Variants in IL34 observed in about 807,000 individuals in gnomAD.
IL34 encodes the protein interleukin 34.
IL34 carries 17 observed loss-of-function variants against 25.3 expected under a neutral mutation model. That is an observed-to-expected ratio of 0.67 (90% CI 0.46 to 1.01). IL34 has a LOEUF of 1.01. IL34 is among the 50% of genes least tolerant of loss of function. The pLI is 0.00. For missense variants in IL34, 368 were observed against 312.9 expected (o/e 1.18, Z -1.33); for synonymous variants, 174 against 140.9 (o/e 1.23, Z -1.66).
At chr16:70,622,931 C>T (rs1003670877) in intron 1 of IL34, among the ~76,000 whole-genome samples, 2 of 151,996 alleles carry the variant, frequency 1.3e-5, no homozygotes, top group African/African-American at 4.8e-5. Context: ...ATTGTTTGGA[C>T]AGAAAGGCTA....
intron 1 of IL34, among the ~76,000 whole-genome samples, chr16:70,620,877 C>T (rs1321967480): frequency 1.3e-5 from 2 of 151,914 alleles, no homozygotes; most frequent in Non-Finnish European, 2.9e-5. Context: ...TTTGAGAACA[C>T]AGGCTAAGGG....
chr16:70,624,834 A>G (rs1056553812), intron 1 of IL34, among the ~76,000 whole-genome samples: 1 of 151,676 alleles, frequency 6.6e-6, no homozygotes, highest in Non-Finnish European at 1.5e-5. Context: ...CCTGGAGAGG[A>G]GGGGAGAGGT....
Position 70,660,305 on chromosome 16 carries a change from A to C in IL34, c.*118A>C. 1.1e-6 allele frequency: 1 copy of C among 949,792 alleles called. No individual in the cohort carries two copies. The highest frequency in any genetic ancestry group is 1.7e-5 in the African/African-American group (1 of 59,890). 58.8% of individuals were successfully genotyped at this position (949,792 alleles called of 1,614,324 possible). A position where few individuals can be genotyped will look rare whatever the true frequency, so the allele number is the denominator to read the frequency against. ...CCCCCCTTGGGAGAGGACCCCTGGG[A>C]AGGGTGTTTTTCCTTTGAGGGGGAT... On this transcript the variant is annotated 3_prime_UTR_variant, in exon 6 of 6. Transcript: ENST00000288098.
intron 1 of IL34, among the ~76,000 whole-genome samples, chr16:70,588,380 G>C (rs1050621354): frequency 2.6e-5 from 4 of 152,030 alleles, no homozygotes; most frequent in Non-Finnish European, 5.9e-5. Context: ...TGTAATCCCA[G>C]TTACTCGGGA....
chr16:70,623,158 C>T (rs1287815688), intron 1 of IL34, among the ~76,000 whole-genome samples: 1 of 151,986 alleles, frequency 6.6e-6, no homozygotes, highest in Admixed American at 6.6e-5. Flanking sequence ...GTCTGTGACG[C>T]CTTGCAGCAG....
At chr16:70,645,416 C>G (rs796213992), upstream of IL34, among the ~76,000 whole-genome samples, 38 of 152,232 alleles carry the variant, frequency 2.5e-4, 1 homozygote, top group African/African-American at 8.4e-4. Flanking sequence ...CACTCTGTAG[C>G]CATTTTCCCC....
At chr16:70,613,729 C>T (rs1326557231) in intron 1 of IL34, among the ~76,000 whole-genome samples, 1 of 152,012 alleles carries the variant, frequency 6.6e-6, no homozygotes, top group East Asian at 1.9e-4. Flanking sequence ...CAAAAATTAG[C>T]CAGGCATGGT....
chr16:70,631,942 AT>A (rs916023429), intron 1 of IL34, among the ~76,000 whole-genome samples: 2 of 151,812 alleles, frequency 1.3e-5, no homozygotes, highest in African/African-American at 2.4e-5. Context: ...AAAAATTATA[AT>A]ACAAAAAATT....
intron 1 of IL34, among the ~76,000 whole-genome samples, chr16:70,585,186 A>C (rs569064649): frequency 4.6e-5 from 7 of 152,294 alleles, no homozygotes; most frequent in African/African-American, 1.7e-4. Context: ...TAAGTGCCTC[A>C]TGTAAGTGGA....
intron 1 of IL34, among the ~76,000 whole-genome samples, chr16:70,583,194 ACT>A: frequency 6.6e-6 from 1 of 151,538 alleles, no homozygotes; most frequent in East Asian, 2.0e-4. Context: ...CTCACTGCAA[ACT>A]CTGCCTCCTG....
chr16:70,659,559 G>A (rs141014593), intron 4 of IL34, 59 bp from the exon 5 acceptor site: 26,411 of 1,543,358 alleles, frequency 0.017, 286 homozygotes, highest in Middle Eastern at 0.026. Flanking sequence ...CAGCCCTCAC[G>A]GCTCTCCTGG....
intron 1 of IL34, among the ~76,000 whole-genome samples, chr16:70,607,634 C>G (rs2051027359): frequency 6.6e-6 from 1 of 152,102 alleles, no homozygotes. Flanking sequence ...GAAGATGCCC[C>G]TTTTCAGGTT....
intron 1 of IL34, among the ~76,000 whole-genome samples, chr16:70,592,644 A>G (rs1230468705): frequency 6.6e-6 from 1 of 152,004 alleles, no homozygotes; most frequent in Non-Finnish European, 1.5e-5. Context: ...TTATTTATTT[A>G]TTGGTTTATT....
In IL34 at chr16:70,654,079, G is replaced by T. The variant is rs115789482; in HGVS notation, c.29-459G>T. 783 of 153,974 alleles carry T rather than the reference G, an allele frequency of 5.1e-3. 3 individuals are homozygous for T. The highest frequency in any genetic ancestry group is 0.018 in the African/African-American group (733 of 41,608). 9.5% of individuals were successfully genotyped at this position (153,974 alleles called of 1,614,324 possible). ...AGAGCAGGAAGGAAAGTGGTGTGGGGCGTGGGTGACTGAAGAGTCATTTTA... is the reference window on the plus strand; with the variant it reads ...AGAGCAGGAAGGAAAGTGGTGTGGGTCGTGGGTGACTGAAGAGTCATTTTA... On this transcript the variant is annotated intron_variant, in intron 1 of 5. Coordinates refer to ENST00000288098, the MANE Select transcript of IL34 (RefSeq NM_001393494.1).
chr16:70,649,094 G>T (rs1176370300), intron 1 of IL34, among the ~76,000 whole-genome samples: 3 of 152,166 alleles, frequency 2.0e-5, no homozygotes, highest in Non-Finnish European at 4.4e-5. Flanking sequence ...AAGTGGCACA[G>T]GACAGGCGAG....
chr16:70,645,203 AGAG>A (rs549219189), upstream of IL34, among the ~76,000 whole-genome samples: 12 of 152,204 alleles, frequency 7.9e-5, no homozygotes, highest in African/African-American at 2.2e-4. Flanking sequence ...GACAAGGAAA[AGAG>A]GAGCAGCAGC....
chr16:70,642,614 AG>A (rs1412303101), upstream of IL34, among the ~76,000 whole-genome samples: 1 of 152,054 alleles, frequency 6.6e-6, no homozygotes, highest in Non-Finnish European at 1.5e-5. Context: ...TTTCTTATAA[AG>A]GCATTATCCC....
intron 1 of IL34, among the ~76,000 whole-genome samples, chr16:70,625,950 G>C (rs1426039132): frequency 3.3e-5 from 5 of 152,344 alleles, no homozygotes; most frequent in African/African-American, 9.6e-5. Context: ...ACAGAGCAAA[G>C]AGCAGGAGGA....
chr16:70,601,127 A>G (rs1002429866), intron 1 of IL34, among the ~76,000 whole-genome samples: 1 of 151,702 alleles, frequency 6.6e-6, no homozygotes, highest in African/African-American at 2.4e-5. Flanking sequence ...GAAGTGGGGG[A>G]GTGCTGGGAA....
Sources: allele counts gnomAD v4.1 joint callset (sites outside exome capture counted in the v4.1 genomes callset), GRCh38; gene constraint gnomAD v4.1.1; transcripts MANE v1.5; gene names NCBI Gene and HGNC (gene_info 2026-07-23, HGNC 2026-07-21).